Variants in CLSTN2 observed in about 807,000 individuals in gnomAD.
The protein encoded by CLSTN2 is calsyntenin 2.
CLSTN2 carries 48 observed loss-of-function variants against 101.2 expected under a neutral mutation model. The observed-to-expected ratio is 0.47, with a 90% CI of 0.38 to 0.60. CLSTN2 has a LOEUF of 0.60. Among genes scored for constraint, CLSTN2 ranks in the 20% least tolerant of loss-of-function variants. CLSTN2 has a pLI of 0.00. For missense variants in CLSTN2, 1,160 were observed against 1,238.2 expected (o/e 0.94, Z 0.95); for synonymous variants, 481 against 463.6 (o/e 1.04, Z -0.48).
chr3:140,219,595 C>T (rs1559809773), intron 2 of CLSTN2, among the ~76,000 whole-genome samples: 1 of 152,174 alleles, frequency 6.6e-6, no homozygotes. Context: ...GTCCTAGAGA[C>T]TGGTAAATAC....
At chr3:140,381,754 A>G (rs1386442670) in intron 2 of CLSTN2, among the ~76,000 whole-genome samples, 3 of 152,252 alleles carry the variant, frequency 2.0e-5, no homozygotes, top group Admixed American at 6.5e-5. Flanking sequence ...CAGCAAAAGC[A>G]TAGTGCCAGA....
chr3:140,216,574 T>C (rs999302935), intron 2 of CLSTN2, among the ~76,000 whole-genome samples: 5 of 152,246 alleles, frequency 3.3e-5, no homozygotes, highest in Admixed American at 6.5e-5. Context: ...AACCTCTCAG[T>C]TGCTGATTAG....
chr3:140,455,629 C>G (rs1933380319), intron 6 of CLSTN2, among the ~76,000 whole-genome samples: 1 of 152,096 alleles, frequency 6.6e-6, no homozygotes, highest in Admixed American at 6.6e-5. Context: ...TGCCTGGGGC[C>G]CCAGGGACCT....
chr3:140,546,852 G>T (rs537250741), intron 10 of CLSTN2, among the ~76,000 whole-genome samples, 171 bp downstream of exon 10: 32 of 152,298 alleles, frequency 2.1e-4, no homozygotes, highest in African/African-American at 5.8e-4. Flanking sequence ...TAGTAACCAT[G>T]ACTTCCACAA....
intron 5 of CLSTN2, among the ~76,000 whole-genome samples, chr3:140,441,994 G>A (rs142979459): frequency 1.3e-5 from 2 of 152,286 alleles, no homozygotes; most frequent in African/African-American, 4.8e-5. Flanking sequence ...TGAACCTGGA[G>A]CTGTACTGAC....
intron 2 of CLSTN2, among the ~76,000 whole-genome samples, chr3:140,298,828 T>C (rs1412068866): frequency 1.3e-5 from 2 of 151,904 alleles, no homozygotes; most frequent in Non-Finnish European, 2.9e-5. Flanking sequence ...AAAATTGGAG[T>C]GAAGAGGCAT....
chr3:140,248,444 T>C (rs983765537), intron 2 of CLSTN2, among the ~76,000 whole-genome samples: 2 of 152,192 alleles, frequency 1.3e-5, no homozygotes, highest in African/African-American at 2.4e-5. Flanking sequence ...TTCTTCTCCA[T>C]TGGCCTGTGG....
intron 11 of CLSTN2, chr3:140,556,906 G>A (rs1343751224): frequency 4.3e-6 from 2 of 469,562 alleles, no homozygotes; most frequent in Non-Finnish European, 7.7e-6. Flanking sequence ...CTAATGCCTA[G>A]AAGGTACTAC....
At chr3:140,423,870 G>A (rs906099120) in intron 5 of CLSTN2, among the ~76,000 whole-genome samples, 3 of 152,292 alleles carry the variant, frequency 2.0e-5, no homozygotes, top group South Asian at 2.1e-4. Flanking sequence ...AGGCAACCGG[G>A]ATTAGTTCAG....
At chr3:140,090,177 G>A (rs187568758) in intron 1 of CLSTN2, among the ~76,000 whole-genome samples, 13 of 149,850 alleles carry the variant, frequency 8.7e-5, no homozygotes, top group South Asian at 4.4e-4. Flanking sequence ...GCATCTTCCC[G>A]GCTGAAGGGG....
chr3:140,468,709 T>G (rs1933767352), intron 8 of CLSTN2, among the ~76,000 whole-genome samples: 1 of 152,236 alleles, frequency 6.6e-6, no homozygotes, highest in South Asian at 2.1e-4. Context: ...GCCCTTTCCA[T>G]TATGCCCGGC....
At chr3:140,162,753 CT>C (rs2010068754) in intron 1 of CLSTN2, among the ~76,000 whole-genome samples, 1 of 152,120 alleles carries the variant, frequency 6.6e-6, no homozygotes, top group South Asian at 2.1e-4. Context: ...CCTGCCAGTG[CT>C]TTCTTTCTGA....
chr3:140,020,985 T>C (rs1192985790), intron 1 of CLSTN2, among the ~76,000 whole-genome samples: 2 of 152,218 alleles, frequency 1.3e-5, no homozygotes, highest in Non-Finnish European at 2.9e-5. Context: ...TAAAAACTTG[T>C]GTGCTCCCTT....
intron 2 of CLSTN2, among the ~76,000 whole-genome samples, chr3:140,197,890 G>A (rs1300780648): frequency 3.3e-5 from 5 of 152,168 alleles, no homozygotes; most frequent in African/African-American, 1.2e-4. Flanking sequence ...TTTCTGTGAT[G>A]CTGAGTTTTT....
intron 8 of CLSTN2, chr3:140,508,413 T>G (rs1934727658): frequency 6.6e-6 from 1 of 152,230 alleles, no homozygotes; most frequent in African/African-American, 2.4e-5. Flanking sequence ...AGTCAGTCAG[T>G]TGATCTGCCA....
intron 9 of CLSTN2, among the ~76,000 whole-genome samples, chr3:140,535,367 A>G (rs1935337559): frequency 6.6e-6 from 1 of 152,208 alleles, no homozygotes; most frequent in Admixed American, 6.5e-5. Context: ...GCTACATCTG[A>G]AGAGGACATT....
intron 2 of CLSTN2, among the ~76,000 whole-genome samples, chr3:140,190,099 T>A (rs1045911868): frequency 3.3e-5 from 5 of 152,194 alleles, no homozygotes; most frequent in Non-Finnish European, 7.4e-5. Flanking sequence ...ATTTTACTTA[T>A]GAGGGCTCTG....
chr3:140,147,164 TA>T (rs763555644), intron 1 of CLSTN2, among the ~76,000 whole-genome samples: 24 of 152,124 alleles, frequency 1.6e-4, no homozygotes, highest in Non-Finnish European at 3.2e-4. Context: ...TGCATTTAGG[TA>T]AATGTCTGTA....
At chr3:140,278,737 T>C (rs912981355) in intron 2 of CLSTN2, among the ~76,000 whole-genome samples, 3 of 152,206 alleles carry the variant, frequency 2.0e-5, no homozygotes. Context: ...TTTTGTTTTT[T>C]AGAGACAGGG....
Sources: gnomAD v4.1 joint callset for allele counts (sites outside exome capture counted in the v4.1 genomes callset) on GRCh38, gnomAD v4.1.1 for gene constraint, MANE v1.5 for transcripts, NCBI Gene and HGNC (gene_info 2026-07-23, HGNC 2026-07-21) for gene names.